TAF1: variants seen among roughly 807,000 people sequenced by gnomAD.
TAF1 encodes TATA-box binding protein associated factor 1.
A neutral mutation model predicts 138.5 loss-of-function variants in TAF1; 2 were observed. That is an observed-to-expected ratio of 0.01 (90% CI 0.01 to 0.05). The LOEUF (loss-of-function observed/expected upper bound fraction) is 0.05. Among genes scored for constraint, TAF1 ranks in the 10% least tolerant of loss-of-function variants. The probability of loss-of-function intolerance (pLI) is 1.00; values close to 1 mark genes in which losing one functional copy is unlikely to be tolerated. For missense variants in TAF1, 709 were observed against 1,478.0 expected, an observed-to-expected ratio of 0.48 and a Z score of 8.53; for synonymous variants, 437 against 503.2, an observed-to-expected ratio of 0.87 and a Z score of 1.76.
At chrX:71,390,710 TCACGGCCGGGCG>T (rs1331086553) in intron 18 of TAF1, among the ~76,000 whole-genome samples, 2 of 111,535 alleles carry the variant, frequency 1.8e-5, no homozygotes, top group Admixed American at 1.9e-4. Context: ...TAGAAATGTC[TCACGGCCGGGCG>T]CGGTGGCTCA....
At chrX:71,524,739 A>G (rs893134606) in intron 13 of TAF1, among the ~76,000 whole-genome samples, 4 of 109,436 alleles carry the variant, frequency 3.7e-5, no homozygotes, top group South Asian at 4.0e-4. Context: ...TCAGGAATTC[A>G]AGACCAGCCT....
intron 13 of TAF1, among the ~76,000 whole-genome samples, chrX:71,527,534 A>C (rs1331945658): frequency 9.0e-6 from 1 of 111,649 alleles, no homozygotes; most frequent in African/African-American, 3.3e-5. Flanking sequence ...GAGTTGCGGC[A>C]GATTAAGGAG....
intron 14 of TAF1, among the ~76,000 whole-genome samples, chrX:71,385,625 C>T (rs953042159): frequency 9.0e-6 from 1 of 111,352 alleles, no homozygotes; most frequent in Non-Finnish European, 1.9e-5. Context: ...TTTCATTTCT[C>T]TTGGCAATCT....
chrX:71,403,012 T>A (rs987377746), intron 25 of TAF1, among the ~76,000 whole-genome samples: 1 of 110,660 alleles, frequency 9.0e-6, no homozygotes, highest in African/African-American at 3.3e-5. Context: ...TCCCTACCTT[T>A]TATGTTTTCC....
chrX:71,524,599 A>G (rs1602116724), intron 13 of TAF1, among the ~76,000 whole-genome samples: 1 of 108,510 alleles, frequency 9.2e-6, no homozygotes, highest in Non-Finnish European at 1.9e-5. Flanking sequence ...AGTCCCAGCT[A>G]CTTGGGAGGC....
intron 14 of TAF1, among the ~76,000 whole-genome samples, chrX:71,386,605 T>C (rs28382170): frequency 0.074 from 8,259 of 111,285 alleles, 678 homozygotes; most frequent in African/African-American, 0.24. Context: ...GATGGGACAA[T>C]AGGCGCACGC....
intron 28 of TAF1, among the ~76,000 whole-genome samples, chrX:71,412,123 T>G (rs913266694): frequency 1.4e-4 from 12 of 85,005 alleles, no homozygotes; most frequent in African/African-American, 5.3e-4. Flanking sequence ...TCATTCCTGG[T>G]TTTTTTTTTT....
chrX:71,379,651 G>A (rs146151988), intron 8 of TAF1, among the ~76,000 whole-genome samples: 1,367 of 101,692 alleles, frequency 0.013, 8 homozygotes, highest in African/African-American at 0.035. Flanking sequence ...TGCCTGGGCC[G>A]GAGTGTAGTG....
chrX:71,394,768 A>T (rs774264460), intron 22 of TAF1, among the ~76,000 whole-genome samples: 11 of 111,792 alleles, frequency 9.8e-5, no homozygotes, highest in East Asian at 2.8e-4. Flanking sequence ...AGTAGCTGGG[A>T]CTATAGGTGC....
chrX:71,390,413 T>C (rs954066769), intron 18 of TAF1, among the ~76,000 whole-genome samples: 2 of 112,259 alleles, frequency 1.8e-5, no homozygotes, highest in Non-Finnish European at 3.8e-5. Flanking sequence ...TTGACTCTCA[T>C]CTACAAGTTA....
chrX:71,504,498 A>AGCCATGT (rs2039580055), intron 13 of TAF1, among the ~76,000 whole-genome samples: 1 of 109,599 alleles, frequency 9.1e-6, no homozygotes, highest in Admixed American at 1.0e-4. Context: ...CAATGTCAGG[A>AGCCATGT]GCCATGTGCC....
chrX:71,497,188 G>A (rs1321992899), intron 13 of TAF1, among the ~76,000 whole-genome samples: 2 of 111,130 alleles, frequency 1.8e-5, no homozygotes, highest in African/African-American at 3.3e-5. Flanking sequence ...AACTTCCATC[G>A]GTATATAGGT....
intron 32 of TAF1, among the ~76,000 whole-genome samples, chrX:71,449,602 A>G (rs2037860894): frequency 8.9e-6 from 1 of 112,158 alleles, no homozygotes; most frequent in Non-Finnish European, 1.9e-5. Context: ...TAAGTTTCGA[A>G]ACTAAAGTAG....
intron 3 of TAF1, among the ~76,000 whole-genome samples, chrX:71,368,383 C>G (rs1334736763): frequency 9.0e-6 from 1 of 111,630 alleles, no homozygotes; most frequent in Non-Finnish European, 1.9e-5. Context: ...TGTGGTTATT[C>G]CTCACACTGT....
intron 32 of TAF1, among the ~76,000 whole-genome samples, chrX:71,446,788 G>C (rs1221361609): frequency 8.9e-6 from 1 of 111,984 alleles, no homozygotes; most frequent in Non-Finnish European, 1.9e-5. Context: ...GTTCCCTCTG[G>C]ATGGTTTCTG....
At chrX:71,454,113 T>C (rs2038177391) in intron 32 of TAF1, 57 bp from the exon 33 acceptor site, 4 of 1,048,835 alleles carry the variant, frequency 3.8e-6, no homozygotes, top group East Asian at 6.1e-5. Flanking sequence ...GATGACAGAA[T>C]GTAAAATTCT....
At position 71,399,381 on chromosome X, in the gene TAF1, C is replaced by G. The variant is rs376269564; in HGVS notation, c.3786+644C>G. ...AAGCGATTTTCCTGCCAGAGCCTCT[C>G]GAATAGCTGGGATTACAGATGTCTG... On this transcript the variant is annotated intron_variant, in intron 24 of 37. Coordinates refer to ENST00000423759, the MANE Select transcript of TAF1 (RefSeq NM_004606.5). 2.9e-5 allele frequency among the ~76,000 whole-genome samples: 3 copies of G among 102,554 alleles called. No individual in the cohort carries two copies. In the East Asian group the frequency reaches 9.1e-4, roughly 31 times the overall value. 89.1% of individuals were successfully genotyped at this position (102,554 alleles called of 115,157 possible).
chrX:71,442,517 A>G (rs1415163068), intron 32 of TAF1, among the ~76,000 whole-genome samples: 2 of 110,851 alleles, frequency 1.8e-5, no homozygotes, highest in African/African-American at 6.6e-5. Flanking sequence ...GGGTTGTTTG[A>G]TTTTTTCTTG....
intron 13 of TAF1, among the ~76,000 whole-genome samples, chrX:71,508,086 C>CTCTCTCTCTCTATATATATATATA (rs4040068): frequency 2.6e-4 from 24 of 92,173 alleles, no homozygotes; most frequent in African/African-American, 7.7e-4. Flanking sequence ...CTCTCTCTCT[C>CTCTCTCTCTCTATATATATATATA]TATATATATA....
Sources: allele counts gnomAD v4.1 joint callset (sites outside exome capture counted in the v4.1 genomes callset), GRCh38; gene constraint gnomAD v4.1.1; transcripts MANE v1.5; gene names NCBI Gene and HGNC (gene_info 2026-07-23, HGNC 2026-07-21).